TNS3: variants seen among roughly 807,000 people sequenced by gnomAD.
TNS3 encodes tensin-3.
Under a neutral mutation model 140.9 loss-of-function variants are expected in TNS3, and 45 were observed. That is an observed-to-expected ratio of 0.32 (90% confidence interval 0.25 to 0.41). The LOEUF (loss-of-function observed/expected upper bound fraction) is 0.41, where lower values mean the gene tolerates loss of function less well. Ranked by LOEUF, TNS3 falls within the 10% of genes least tolerant of loss-of-function variation. The pLI, the probability that TNS3 is intolerant of heterozygous loss-of-function variation, is 1.00. For missense variants in TNS3, 1,716 were observed against 1,906.7 expected, an observed-to-expected ratio of 0.90 and a Z score of 1.86; for synonymous variants, 815 against 788.4, an observed-to-expected ratio of 1.03 and a Z score of -0.56.
chr7:47,501,989 C>A (rs1798243662), intron 3 of TNS3, among the ~76,000 whole-genome samples: 1 of 152,112 alleles, frequency 6.6e-6, no homozygotes, highest in African/African-American at 2.4e-5. Flanking sequence ...TCACAAGAGG[C>A]ATAGTAGGTT....
chr7:47,359,118 G>A (rs768372251), intron 17 of TNS3, among the ~76,000 whole-genome samples: 4 of 152,284 alleles, frequency 2.6e-5, no homozygotes, highest in East Asian at 3.9e-4. Context: ...ACCATTCACC[G>A]AGGCCAAAGG....
chr7:47,434,739 C>T (rs1795092408), intron 8 of TNS3, among the ~76,000 whole-genome samples: 1 of 152,206 alleles, frequency 6.6e-6, no homozygotes, highest in Non-Finnish European at 1.5e-5. Flanking sequence ...CTGGCATCCA[C>T]CAACCCTGCT....
intron 4 of TNS3, among the ~76,000 whole-genome samples, chr7:47,446,007 GA>G (rs1795709472): frequency 6.6e-6 from 1 of 151,806 alleles, no homozygotes; most frequent in Non-Finnish European, 1.5e-5. Flanking sequence ...TGGCTCCTGA[GA>G]AACCCGAAAT....
At chr7:47,468,959 A>G (rs113281900) in intron 4 of TNS3, among the ~76,000 whole-genome samples, 32,253 of 152,138 alleles carry the variant, frequency 0.21, 4,232 homozygotes, top group African/African-American at 0.37. Context: ...TCTAATCTTC[A>G]ACAAGGTCAA....
At chr7:47,369,942 T>C (rs947905491) in intron 16 of TNS3, among the ~76,000 whole-genome samples, 1 of 152,356 alleles carries the variant, frequency 6.6e-6, no homozygotes, top group Admixed American at 6.5e-5. Context: ...AATTTCATCA[T>C]GATTGTGAAC....
At position 47,303,218 on chromosome 7, in the gene TNS3, A is replaced by C; in HGVS notation, c.3189T>G (p.Asn1063Lys). Reference sequence around the variant, plus strand: ...TGAGAAAGTTGTGGGACAGGAAGCCATTGTCGGCAGCCCCTGTCGCTGTCA... The same window carrying C: ...TGAGAAAGTTGTGGGACAGGAAGCCCTTGTCGGCAGCCCCTGTCGCTGTCA... The part of the protein sequence containing the change: ...IPLTATGAAD[N>K]GFLSHNFLTV... Residue 1063 changes from asparagine to lysine, a missense_variant, in exon 22 of 31, where the codon AAT (asparagine) becomes AAG (lysine). Asn to Lys is a moderately conservative substitution (Grantham distance 94). Transcript: ENST00000311160. The C allele has an allele frequency of 6.2e-7, 1 of 1,613,720 alleles. No individual in the cohort carries two copies. Among genetic ancestry groups the C allele is most frequent in the Middle Eastern group, 1.6e-4 (1 of 6,062 alleles).
intron 1 of TNS3, among the ~76,000 whole-genome samples, chr7:47,552,248 A>G (rs1419629266): frequency 6.6e-6 from 1 of 152,222 alleles, no homozygotes; most frequent in Non-Finnish European, 1.5e-5. Context: ...GAAGCCGTCT[A>G]GAGCTTGGCA....
At position 47,324,813 on chromosome 7, in the gene TNS3, C is replaced by T. The variant is rs539981050; in HGVS notation, c.2651-19810G>A. ...AAAAACTTTGAAAATCTTTGAAAAACTTTGAAAAATGTCCCTGTTAAGAAA... is the reference window on the plus strand; with the variant it reads ...AAAAACTTTGAAAATCTTTGAAAAATTTTGAAAAATGTCCCTGTTAAGAAA... On this transcript the variant is annotated intron_variant, in intron 20 of 30. Transcript: ENST00000311160. Among the ~76,000 whole-genome samples the T allele has an allele frequency of 7.9e-5, 12 of 152,266 alleles. 1 individual carries two copies. The South Asian group carries it at 1.5e-3, about 18-fold the overall frequency.
chr7:47,345,450 G>A (rs919596886), intron 18 of TNS3, among the ~76,000 whole-genome samples: 2 of 152,106 alleles, frequency 1.3e-5, no homozygotes, highest in African/African-American at 4.8e-5. Context: ...ACATAGCACA[G>A]AAAAAAGGCC....
chr7:47,535,468 T>C (rs1273191894), intron 1 of TNS3, among the ~76,000 whole-genome samples: 1 of 152,242 alleles, frequency 6.6e-6, no homozygotes, highest in African/African-American at 2.4e-5. Flanking sequence ...AACATCTCTA[T>C]TGTGAAATGA....
In TNS3 at chr7:47,407,484, G is replaced by A. The variant is rs1406425806; in HGVS notation, c.723+4243C>T. Among the ~76,000 whole-genome samples, 1 of 152,172 alleles carries A rather than the reference G, an allele frequency of 6.6e-6. No homozygotes were observed. The highest frequency in any genetic ancestry group is 1.9e-4 in the East Asian group (1 of 5,182). On this transcript the variant is annotated intron_variant, in intron 13 of 30. Transcript: ENST00000311160. The surrounding 1 kb of genome is among the most constrained non-coding windows in gnomAD (Gnocchi z 4.1). Reference sequence around the variant, plus strand: ...CACGCTGAACGTGCTCAGGATAAAGGCTGGTGACAAACCACAGCCACAGGG... The same window carrying A: ...CACGCTGAACGTGCTCAGGATAAAGACTGGTGACAAACCACAGCCACAGGG...
chr7:47,351,949 G>A (rs942783443), intron 17 of TNS3, among the ~76,000 whole-genome samples: 5 of 151,984 alleles, frequency 3.3e-5, no homozygotes, highest in South Asian at 2.1e-4. Context: ...CCCAGTCTCC[G>A]GCACTTTTTC....
intron 12 of TNS3, among the ~76,000 whole-genome samples, chr7:47,413,360 C>A (rs1036530346): frequency 7.0e-6 from 1 of 141,864 alleles, no homozygotes; most frequent in Non-Finnish European, 1.5e-5. Context: ...CAAGTGAATT[C>A]TCCTGCCTCC....
chr7:47,566,404 G>GT (rs1326063509), intron 1 of TNS3, among the ~76,000 whole-genome samples: 1 of 152,104 alleles, frequency 6.6e-6, no homozygotes, highest in African/African-American at 2.4e-5. Flanking sequence ...AGGCACACAT[G>GT]TTTGTTTTGT....
chr7:47,383,368 G>A (rs958006085), intron 16 of TNS3, among the ~76,000 whole-genome samples: 5 of 152,200 alleles, frequency 3.3e-5, no homozygotes, highest in African/African-American at 1.2e-4. Context: ...AAGTAGCTTC[G>A]TGGTTGCCAG....
At chr7:47,408,494 G>A (rs1193161342) in intron 13 of TNS3, among the ~76,000 whole-genome samples, 2 of 152,122 alleles carry the variant, frequency 1.3e-5, no homozygotes, top group South Asian at 2.1e-4. Flanking sequence ...CTTCCAGAGG[G>A]AAGAGGCAGT....
intron 15 of TNS3, 52 bp from the exon 16 acceptor site, chr7:47,396,956 A>C (rs1463556801): frequency 1.5e-6 from 2 of 1,355,788 alleles, no homozygotes; most frequent in East Asian, 4.6e-5. Context: ...CATCACCTCC[A>C]TCCAACCGAC....
At chr7:47,470,086 C>T (rs976845255) in intron 4 of TNS3, among the ~76,000 whole-genome samples, 17 of 151,680 alleles carry the variant, frequency 1.1e-4, no homozygotes, top group African/African-American at 4.1e-4. Flanking sequence ...GATGTGGATG[C>T]CATAACCCTA....
chr7:47,569,354 C>T (rs901900947), intron 1 of TNS3, among the ~76,000 whole-genome samples: 5 of 151,708 alleles, frequency 3.3e-5, no homozygotes, highest in African/African-American at 9.7e-5. Context: ...ACCGGCCTGG[C>T]CAACATGATG....
Sources: allele counts gnomAD v4.1 joint callset (sites outside exome capture counted in the v4.1 genomes callset), GRCh38; gene constraint gnomAD v4.1.1; non-coding constraint Gnocchi (gnomAD v3.1); transcripts MANE v1.5; gene names NCBI Gene and HGNC (gene_info 2026-07-23, HGNC 2026-07-21).